The following GAS2 variants were observed in gnomAD, a reference collection of about 807,000 sequenced individuals.
GAS2 encodes growth arrest-specific protein 2.
GAS2 carries 20 observed loss-of-function variants against 37.5 expected under a neutral mutation model. The ratio of observed to expected loss-of-function variants is 0.53; its 90% CI spans 0.37 to 0.77. The LOEUF (loss-of-function observed/expected upper bound fraction) is 0.77. Among genes scored for constraint, GAS2 ranks in the 30% least tolerant of loss-of-function variants. GAS2 has a pLI of 0.00. For synonymous variants in GAS2, 144 were observed against 132.2 expected (o/e 1.09, Z -0.61); for missense variants, 336 against 373.4 (o/e 0.90, Z 0.82).
At chr11:22,714,658 C>T (rs1851573295) in intron 3 of GAS2, among the ~76,000 whole-genome samples, 1 of 152,136 alleles carries the variant, frequency 6.6e-6, no homozygotes, top group African/African-American at 2.4e-5. Flanking sequence ...GAAATTATAT[C>T]AAGTACTCTC....
At chr11:22,651,304 G>C (rs1434586236) in intron 1 of GAS2, among the ~76,000 whole-genome samples, 2 of 152,188 alleles carry the variant, frequency 1.3e-5, no homozygotes, top group Non-Finnish European at 2.9e-5. Flanking sequence ...AGTCTGATGG[G>C]CTTCCCTTTG....
chr11:22,774,769 G>A (rs1029982510), intron 7 of GAS2, among the ~76,000 whole-genome samples: 14 of 151,258 alleles, frequency 9.3e-5, no homozygotes, highest in South Asian at 2.1e-4. Context: ...TTTACCTATC[G>A]TGATTTTTTT....
At chr11:22,715,073 A>G (rs552755221) in intron 3 of GAS2, among the ~76,000 whole-genome samples, 35 of 152,326 alleles carry the variant, frequency 2.3e-4, no homozygotes, top group South Asian at 4.1e-4. Context: ...AATGAAACAA[A>G]AAGCTTGTTC....
chr11:22,695,935 T>C (rs1850485968), intron 3 of GAS2, among the ~76,000 whole-genome samples: 1 of 152,132 alleles, frequency 6.6e-6, no homozygotes, highest in African/African-American at 2.4e-5. Flanking sequence ...TAAAACGTTG[T>C]TTTTTTAAAT....
chr11:22,641,278 ATATC>A (rs1202184018), intron 1 of GAS2, among the ~76,000 whole-genome samples: 2,464 of 128,504 alleles, frequency 0.019, 52 homozygotes, highest in East Asian at 0.076. Context: ...ATCTTTATAT[ATATC>A]TATATCTTTA....
intron 1 of GAS2, among the ~76,000 whole-genome samples, chr11:22,660,269 C>T (rs1302816981): frequency 2.6e-5 from 4 of 151,826 alleles, no homozygotes; most frequent in Non-Finnish European, 4.4e-5. Context: ...TGTTAGGAAG[C>T]GAGGAGGGGA....
intron 3 of GAS2, among the ~76,000 whole-genome samples, chr11:22,695,711 A>G (rs536649603): frequency 4.5e-4 from 69 of 152,348 alleles, no homozygotes; most frequent in Non-Finnish European, 8.5e-4. Context: ...CAGCTCACAA[A>G]TGAAAGAAAG....
chr11:22,702,725 A>G (rs11026742), intron 3 of GAS2: 6,316 of 152,192 alleles, frequency 0.042, 225 homozygotes, highest in East Asian at 0.21. Context: ...TTCTCTACAT[A>G]TTGGGGTATG....
chr11:22,717,457 A>G (rs1465023247), intron 3 of GAS2, among the ~76,000 whole-genome samples: 3 of 152,142 alleles, frequency 2.0e-5, no homozygotes, highest in Non-Finnish European at 4.4e-5. Flanking sequence ...TAGAAGAATG[A>G]AACTGGATCT....
intron 1 of GAS2, among the ~76,000 whole-genome samples, chr11:22,649,673 C>A (rs1848748012): frequency 6.6e-6 from 1 of 152,166 alleles, no homozygotes; most frequent in Admixed American, 6.5e-5. Flanking sequence ...GGAATGTATC[C>A]ATTTCTTCTA....
intron 3 of GAS2, among the ~76,000 whole-genome samples, 176 bp from the exon 4 acceptor site, chr11:22,726,116 T>G (rs1852199714): frequency 6.6e-6 from 1 of 152,120 alleles, no homozygotes; most frequent in Non-Finnish European, 1.5e-5. Context: ...GAACAGATTT[T>G]CAGTCCCTTA....
chr11:22,639,312 C>G (rs1368815754), intron 1 of GAS2, among the ~76,000 whole-genome samples: 1 of 152,098 alleles, frequency 6.6e-6, no homozygotes. Context: ...TAAAAATAAG[C>G]ATAGATTGAT....
intron 7 of GAS2, among the ~76,000 whole-genome samples, chr11:22,793,508 C>A (rs1856280952): frequency 2.6e-5 from 4 of 151,752 alleles, no homozygotes; most frequent in Admixed American, 2.6e-4. Context: ...ACTTTGTGCC[C>A]CAGAGAAAAT....
intron 3 of GAS2, among the ~76,000 whole-genome samples, chr11:22,725,672 C>T (rs1361068008): frequency 6.6e-6 from 1 of 152,218 alleles, no homozygotes; most frequent in African/African-American, 2.4e-5. Flanking sequence ...AATCCTCCTG[C>T]CTCGGCCTCC....
At chr11:22,652,663 G>T (rs946584595) in intron 1 of GAS2, among the ~76,000 whole-genome samples, 6 of 152,200 alleles carry the variant, frequency 3.9e-5, no homozygotes, top group Non-Finnish European at 7.3e-5. Context: ...CGCAGTATTC[G>T]GGTGGGAGTG....
intron 7 of GAS2, among the ~76,000 whole-genome samples, chr11:22,789,976 C>G (rs531064186): frequency 1.2e-4 from 18 of 152,244 alleles, no homozygotes; most frequent in Admixed American, 9.8e-4. Context: ...CGGGTCTGTT[C>G]TGGAAGTCAT....
At chr11:22,737,526 T>G (rs970561063) in intron 4 of GAS2, among the ~76,000 whole-genome samples, 179 bp from the exon 5 acceptor site, 2 of 152,188 alleles carry the variant, frequency 1.3e-5, no homozygotes, top group African/African-American at 2.4e-5. Context: ...TTTTGAGAAC[T>G]AATTTAAGCC....
At position 22,656,571 on chromosome 11, in the gene GAS2, A is replaced by T. The variant is rs558015997; in HGVS notation, c.-20-18279A>T. On this transcript the variant is annotated intron_variant, in intron 1 of 5. Coordinates refer to the GAS2 transcript ENST00000528582. ...TGGAGCTTAAGAAAAACTTAAAAGC[A>T]TCTAGAAGTAAACAGTTTGCTTTCA... 8.5e-5 allele frequency among the ~76,000 whole-genome samples: 13 copies of T among 152,372 alleles called. No individual in the cohort carries two copies. In the South Asian group the frequency reaches 2.7e-3, roughly 32 times the overall value.
At chr11:22,803,945 A>G (rs558369006) in intron 7 of GAS2, among the ~76,000 whole-genome samples, 73 of 152,248 alleles carry the variant, frequency 4.8e-4, no homozygotes, top group African/African-American at 1.7e-3. Flanking sequence ...AAGATTTTCC[A>G]TATTCTGAAA....
Sources: gnomAD v4.1 joint callset for allele counts (sites outside exome capture counted in the v4.1 genomes callset) on GRCh38, gnomAD v4.1.1 for gene constraint, MANE v1.5 for transcripts, NCBI Gene and HGNC (gene_info 2026-07-23, HGNC 2026-07-21) for gene names.